The following NREP variants were observed in gnomAD, a reference collection of about 807,000 sequenced individuals.
NREP encodes the protein neuronal regeneration related protein, also known as neuronal regeneration-related protein.
NREP carries 5 observed loss-of-function variants against 8.6 expected under a neutral mutation model. The observed-to-expected ratio is 0.58, with a 90% CI of 0.30 to 1.22. The LOEUF is 1.22. Ranked by LOEUF, NREP falls within the 50% of genes most tolerant of loss-of-function variation. The pLI, the probability that NREP is intolerant of heterozygous loss-of-function variation, is 0.07. For synonymous variants in NREP, 27 were observed against 28.0 expected (o/e 0.96, Z 0.11); for missense variants, 86 against 82.5 (o/e 1.04, Z -0.17).
At chr5:111,873,624 C>T (rs945650948) in intron 2 of NREP, among the ~76,000 whole-genome samples, 9 of 152,206 alleles carry the variant, frequency 5.9e-5, no homozygotes, top group African/African-American at 1.9e-4. Context: ...TCTCATACCT[C>T]TTCTCTCTGA....
intron 2 of NREP, among the ~76,000 whole-genome samples, chr5:111,840,815 T>C (rs1322788941): frequency 1.3e-5 from 2 of 152,116 alleles, no homozygotes; most frequent in Non-Finnish European, 2.9e-5. Context: ...GGAAAAACTA[T>C]GAACCAAACA....
At chr5:111,874,415 C>T (rs1389651465) in intron 2 of NREP, among the ~76,000 whole-genome samples, 1 of 152,106 alleles carries the variant, frequency 6.6e-6, no homozygotes. Flanking sequence ...TTTCTCTCTC[C>T]AGTAACTTGC....
intron 2 of NREP, among the ~76,000 whole-genome samples, chr5:111,747,535 T>C (rs941605829): frequency 3.3e-5 from 5 of 152,166 alleles, no homozygotes; most frequent in Non-Finnish European, 5.9e-5. Context: ...GAGCTGGAGC[T>C]GGCAGCCACA....
intron 2 of NREP, among the ~76,000 whole-genome samples, chr5:111,867,140 TA>T (rs111229446): frequency 0.02 from 2,777 of 140,014 alleles, 21 homozygotes; most frequent in East Asian, 0.053. Context: ...GAACTTTAAT[TA>T]AAAAAAAAAA....
chr5:111,730,897 G>GTAAT lies in NREP; in HGVS notation c.*20_*23dup. ...CCTCATCAATACCCATACACCATAT[G>GTAAT]TAATACAAATGGAGGTGTTACGATT... On this transcript the variant is annotated 3_prime_UTR_variant, in exon 4 of 4. Transcript: ENST00000257435. 1.2e-6 allele frequency: 2 copies of GTAAT among 1,613,386 alleles called. No individual in the cohort carries two copies. Among genetic ancestry groups the GTAAT allele is most frequent in the African/African-American group, 1.3e-5 (1 of 75,006 alleles).
At chr5:111,928,291 T>C (rs968210327) in intron 2 of NREP, among the ~76,000 whole-genome samples, 1 of 152,208 alleles carries the variant, frequency 6.6e-6, no homozygotes, top group East Asian at 1.9e-4. Context: ...ATAATAGAGA[T>C]GCTTTAAATA....
At chr5:111,913,551 CCTAAGTGA>C (rs1486886749) in intron 2 of NREP, among the ~76,000 whole-genome samples, 2 of 151,934 alleles carry the variant, frequency 1.3e-5, no homozygotes, top group Admixed American at 1.3e-4. Context: ...AGTTCAGGGT[CCTAAGTGA>C]CTGAAGAGTA....
At chr5:111,928,748 A>C (rs1413416905) in intron 2 of NREP, among the ~76,000 whole-genome samples, 1 of 152,154 alleles carries the variant, frequency 6.6e-6, no homozygotes, top group Non-Finnish European at 1.5e-5. Flanking sequence ...AGTCAGCTGC[A>C]AAAGGGGAAA....
intron 2 of NREP, among the ~76,000 whole-genome samples, chr5:111,935,866 A>T (rs191732213): frequency 7.4e-4 from 113 of 152,200 alleles, no homozygotes; most frequent in Admixed American, 1.4e-3. Context: ...CTACAAACCA[A>T]GTGGCTTTAA....
At chr5:111,937,871 G>T (rs1755726131) in intron 2 of NREP, among the ~76,000 whole-genome samples, 1 of 151,930 alleles carries the variant, frequency 6.6e-6, no homozygotes, top group African/African-American at 2.4e-5. Flanking sequence ...CAATTTACCT[G>T]GTCACCTGAT....
At chr5:111,967,838 G>T (rs1400639488) in intron 2 of NREP, among the ~76,000 whole-genome samples, 1 of 151,854 alleles carries the variant, frequency 6.6e-6, no homozygotes, top group African/African-American at 2.4e-5. Flanking sequence ...CCTTCACCTG[G>T]TTCAACCTGC....
chr5:111,769,543 G>C (rs1176430697), intron 2 of NREP, among the ~76,000 whole-genome samples: 1 of 152,216 alleles, frequency 6.6e-6, no homozygotes, highest in African/African-American at 2.4e-5. Context: ...TATTGGGGGA[G>C]TGGGGTGTAT....
chr5:111,941,927 C>T (rs908496628), intron 2 of NREP, among the ~76,000 whole-genome samples: 3 of 152,056 alleles, frequency 2.0e-5, no homozygotes, highest in African/African-American at 7.2e-5. Context: ...AATATACTCA[C>T]TACTTCTTAG....
At chr5:111,944,861 C>T (rs922696221) in intron 2 of NREP, among the ~76,000 whole-genome samples, 1 of 152,066 alleles carries the variant, frequency 6.6e-6, no homozygotes, top group Non-Finnish European at 1.5e-5. Flanking sequence ...TAGTTCATCC[C>T]CATCCTCATT....
At chr5:111,910,925 A>G (rs944986653) in intron 2 of NREP, among the ~76,000 whole-genome samples, 1 of 152,062 alleles carries the variant, frequency 6.6e-6, no homozygotes. Flanking sequence ...CCTTCTTGGT[A>G]CTAGAAGCTT....
intron 2 of NREP, among the ~76,000 whole-genome samples, chr5:111,856,917 T>C (rs1406702840): frequency 2.0e-5 from 3 of 152,184 alleles, no homozygotes; most frequent in Admixed American, 2.0e-4. Context: ...TCGTCTACTC[T>C]GTGCTAGATT....
intron 2 of NREP, among the ~76,000 whole-genome samples, chr5:111,951,592 T>C (rs1427999658): frequency 6.6e-6 from 1 of 152,098 alleles, no homozygotes; most frequent in Non-Finnish European, 1.5e-5. Context: ...ACTTCTACTT[T>C]AGGGTATAAA....
intron 2 of NREP, among the ~76,000 whole-genome samples, chr5:111,915,656 C>T (rs183106097): frequency 2.3e-4 from 35 of 152,154 alleles, no homozygotes; most frequent in African/African-American, 8.4e-4. Context: ...CGTAGTAATA[C>T]CACAACCCAA....
intron 2 of NREP, among the ~76,000 whole-genome samples, chr5:111,920,173 G>GCCTTTC (rs1755197577): frequency 6.6e-6 from 1 of 152,074 alleles, no homozygotes; most frequent in Admixed American, 6.6e-5. Flanking sequence ...TTGGAAAATT[G>GCCTTTC]CCTTTCCCTG....
Sources: gnomAD v4.1 joint callset for allele counts (sites outside exome capture counted in the v4.1 genomes callset) on GRCh38, gnomAD v4.1.1 for gene constraint, MANE v1.5 for transcripts, NCBI Gene and HGNC (gene_info 2026-07-23, HGNC 2026-07-21) for gene names.